Variants in WDSUB1 observed in about 807,000 individuals in gnomAD.
WDSUB1 encodes the protein WD repeat, sterile alpha motif and U-box domain containing 1.
A neutral mutation model predicts 53.9 loss-of-function variants in WDSUB1; 49 were observed. That is an observed-to-expected ratio of 0.91 (90% CI 0.72 to 1.15). The LOEUF (loss-of-function observed/expected upper bound fraction) is 1.15, where lower values mean the gene tolerates loss of function less well. Among genes scored for constraint, WDSUB1 ranks in the 50% most tolerant of loss-of-function variants. The pLI is 0.00. For missense variants in WDSUB1, 514 were observed against 562.0 expected, an observed-to-expected ratio of 0.91 and a Z score of 0.86; for synonymous variants, 194 against 200.6, an observed-to-expected ratio of 0.97 and a Z score of 0.28.
At position 159,259,857 on chromosome 2, in the gene WDSUB1, A is replaced by T. The variant is rs756690408; in HGVS notation, c.771-14T>A. On this transcript the variant is annotated splice_polypyrimidine_tract_variant and intron_variant, in intron 5 of 10. Coordinates refer to ENST00000359774, the MANE Select transcript of WDSUB1 (RefSeq NM_001128212.3). ...TTATCCACTGACCTTAAAAGAAAATAAATTATAGGTGAAAAGTTCTATAAA... is the reference window on the plus strand; with the variant it reads ...TTATCCACTGACCTTAAAAGAAAATTAATTATAGGTGAAAAGTTCTATAAA... The T allele has an allele frequency of 1.3e-5, 20 of 1,508,054 alleles. No homozygotes were observed. The Admixed American group carries it at 2.2e-4, about 17-fold the overall frequency. The allele number at this position is 1,508,054 out of a possible 1,614,324, so 93.4% of individuals were successfully genotyped here. A position where few individuals can be genotyped will look rare whatever the true frequency, so the allele number is the denominator to read the frequency against.
intron 6 of WDSUB1, among the ~76,000 whole-genome samples, chr2:159,258,578 G>T (rs571920853): frequency 6.6e-6 from 1 of 152,258 alleles, no homozygotes; most frequent in South Asian, 2.1e-4. Context: ...AGAATTGCTT[G>T]AACCCGGGAG....
At chr2:159,254,103 C>G (rs917524581) in intron 9 of WDSUB1, among the ~76,000 whole-genome samples, 1 of 152,222 alleles carries the variant, frequency 6.6e-6, no homozygotes, top group African/African-American at 2.4e-5. Flanking sequence ...TAGACCATCA[C>G]AGAACTTGTT....
At chr2:159,283,447 C>T (rs546228603) in intron 1 of WDSUB1, among the ~76,000 whole-genome samples, 2 of 152,286 alleles carry the variant, frequency 1.3e-5, no homozygotes, top group Non-Finnish European at 2.9e-5. Flanking sequence ...TGGCACATGC[C>T]TGTAGTTTCA....
intron 4 of WDSUB1, among the ~76,000 whole-genome samples, chr2:159,274,865 T>C (rs1457504865): frequency 6.6e-6 from 1 of 152,198 alleles, no homozygotes; most frequent in Non-Finnish European, 1.5e-5. Context: ...CCTGAGAGTT[T>C]TGAGATCTTA....
chr2:159,259,381 A>G (rs1170799451), intron 6 of WDSUB1, among the ~76,000 whole-genome samples: 2 of 152,184 alleles, frequency 1.3e-5, no homozygotes, highest in Non-Finnish European at 2.9e-5. Flanking sequence ...TTCCAAGTCC[A>G]TGATAACCTA....
At chr2:159,283,190 A>G (rs748474430) in intron 1 of WDSUB1, 97 bp from the exon 2 acceptor site, 11 of 1,070,752 alleles carry the variant, frequency 1.0e-5, no homozygotes, top group South Asian at 1.7e-5. Context: ...AATTTGCTCA[A>G]TGAAAGCTTC....
Position 159,277,595 on chromosome 2 carries a change from G to A in WDSUB1, c.584-1957C>T, listed in dbSNP as rs145368419. Among the ~76,000 whole-genome samples the A allele has an allele frequency of 2.0e-5, 3 of 152,222 alleles. No homozygotes were observed. The East Asian group carries it at 5.8e-4, about 29-fold the overall frequency. On this transcript the variant is annotated intron_variant, in intron 3 of 10. Coordinates refer to ENST00000359774, the MANE Select transcript of WDSUB1 (RefSeq NM_001128212.3). Reference sequence around the variant, plus strand: ...TACACTTTATCATTTAAAAACTGGAGAGAAATGATCATTTACTCTCAGGTG... The same window carrying A: ...TACACTTTATCATTTAAAAACTGGAAAGAAATGATCATTTACTCTCAGGTG...
intron 9 of WDSUB1, among the ~76,000 whole-genome samples, chr2:159,255,504 TAAAG>T (rs937732781): frequency 1.6e-5 from 2 of 128,602 alleles, no homozygotes; most frequent in African/African-American, 7.9e-5. Context: ...TTAAATTAAA[TAAAG>T]AAAAGTGACT....
intron 5 of WDSUB1, among the ~76,000 whole-genome samples, chr2:159,261,888 ATATATATATTTTTTTTTTTTTTTTTT>A (rs1466949021): frequency 2.0e-3 from 28 of 14,222 alleles, no homozygotes; most frequent in Non-Finnish European, 2.4e-3. Flanking sequence ...ATATATATAT[ATATATATATTTTTTTTTTTTTTTTTT>A]TTTTTTTTTT....
chr2:159,245,390 A>G (rs941506544), intron 10 of WDSUB1, among the ~76,000 whole-genome samples: 2 of 151,976 alleles, frequency 1.3e-5, no homozygotes, highest in African/African-American at 2.4e-5. Flanking sequence ...AAAATTAGCC[A>G]GGCATGGTGT....
intron 9 of WDSUB1, 81 bp from the exon 10 acceptor site, chr2:159,248,593 A>G: frequency 7.3e-7 from 1 of 1,378,078 alleles, no homozygotes; most frequent in Non-Finnish European, 9.5e-7. Context: ...CTTATTCACA[A>G]ATAGAGTTTG....
intron 3 of WDSUB1, among the ~76,000 whole-genome samples, chr2:159,276,418 A>AT (rs1468622770): frequency 6.6e-6 from 1 of 152,204 alleles, no homozygotes; most frequent in East Asian, 1.9e-4. Flanking sequence ...AATAATGGGA[A>AT]TTTTTTTCCA....
At chr2:159,272,982 G>A (rs926737497) in intron 4 of WDSUB1, among the ~76,000 whole-genome samples, 1 of 152,124 alleles carries the variant, frequency 6.6e-6, no homozygotes, top group African/African-American at 2.4e-5. Flanking sequence ...GGAAATACAC[G>A]AGGGAAATTT....
intron 9 of WDSUB1, among the ~76,000 whole-genome samples, chr2:159,255,295 G>A (rs2061037862): frequency 6.6e-6 from 1 of 151,828 alleles, no homozygotes; most frequent in Non-Finnish European, 1.5e-5. Context: ...GTGAAACCCT[G>A]TCTTTACTAA....
chr2:159,273,389 A>C (rs371945530), intron 4 of WDSUB1, among the ~76,000 whole-genome samples: 3 of 152,298 alleles, frequency 2.0e-5, no homozygotes, highest in Non-Finnish European at 1.5e-5. Flanking sequence ...AATAAGGTAC[A>C]AATGGTGATA....
chr2:159,236,222 T>G lies in WDSUB1; in HGVS notation c.1274-32A>C, dbSNP rs756402930. The G allele has an allele frequency of 2.5e-6, 4 of 1,581,796 alleles. No individual in the cohort carries two copies. In the African/African-American group the frequency reaches 5.4e-5, roughly 22 times the overall value. On this transcript the variant is annotated intron_variant, in intron 10 of 10. Transcript: ENST00000359774. ...AAAAAAAATCACACAAATTACATGATGTAGGAAAGGGAAATGAGGATGTCT... is the reference window on the plus strand; with the variant it reads ...AAAAAAAATCACACAAATTACATGAGGTAGGAAAGGGAAATGAGGATGTCT...
At chr2:159,260,821 A>G (rs927520068) in intron 5 of WDSUB1, among the ~76,000 whole-genome samples, 1 of 152,226 alleles carries the variant, frequency 6.6e-6, no homozygotes, top group Non-Finnish European at 1.5e-5. Flanking sequence ...ACAAGGTGAA[A>G]AAACATCTGC....
At chr2:159,247,892 T>TATATATATAA (rs2060839300) in intron 10 of WDSUB1, among the ~76,000 whole-genome samples, 1 of 28,368 alleles carries the variant, frequency 3.5e-5, no homozygotes, top group South Asian at 1.1e-3. Flanking sequence ...AATAAATATA[T>TATATATATAA]ATATATATAT....
rs1248599098 is a variant in WDSUB1 at position 159,257,781 on chromosome 2, A to C, written c.929T>G (p.Phe310Cys). The C allele has an allele frequency of 1.2e-6, 2 of 1,614,210 alleles. No homozygotes were observed. The highest frequency in any genetic ancestry group is 2.7e-5 in the African/African-American group (2 of 75,068). Residue 310 changes from phenylalanine to cysteine, a missense_variant, in exon 8 of 11, where the codon TTT becomes TGT. Transcript: ENST00000359774. ...SMDKTVNIWQ[F>C]DLETLCQARR... ...ACCTTGGCAAAGTGTTTCCAGGTCAAATTGCCAGATGTTCACTGTTTTGTC... is the reference window on the plus strand; with the variant it reads ...ACCTTGGCAAAGTGTTTCCAGGTCACATTGCCAGATGTTCACTGTTTTGTC...
Sources: gnomAD v4.1 joint callset for allele counts (sites outside exome capture counted in the v4.1 genomes callset) on GRCh38, gnomAD v4.1.1 for gene constraint, MANE v1.5 for transcripts, NCBI Gene and HGNC (gene_info 2026-07-23, HGNC 2026-07-21) for gene names.